Variants in NADK2 observed in about 807,000 individuals in gnomAD.
NADK2 encodes NAD kinase 2, mitochondrial.
In NADK2, 35 loss-of-function variants were observed where a neutral mutation model predicts 62.1. The observed-to-expected ratio is 0.56, with a 90% CI of 0.43 to 0.75. The LOEUF (loss-of-function observed/expected upper bound fraction) is 0.75, where lower values mean the gene tolerates loss of function less well. Ranked by LOEUF, NADK2 falls within the 30% of genes least tolerant of loss-of-function variation. The probability of loss-of-function intolerance (pLI) is 0.00; values close to 1 mark genes in which losing one functional copy is unlikely to be tolerated. For missense variants in NADK2, 439 were observed against 561.3 expected (o/e 0.78, Z 2.20); for synonymous variants, 205 against 207.9 (o/e 0.99, Z 0.12).
chr5:36,207,073 G>C (rs1172260071), intron 8 of NADK2, 97 bp downstream of exon 8: 1 of 916,044 alleles, frequency 1.1e-6, no homozygotes, highest in Non-Finnish European at 1.8e-6. Flanking sequence ...ACACCACCAG[G>C]ACACCTCTTG....
chr5:36,241,898 T>A lies in NADK2; in HGVS notation c.-100A>T. Reference sequence around the variant, plus strand: ...GTCCGCGCCGCCCGGGCCTCTAACTTCGCGCCGGACGGGCAGAGGTTAAGT... The same window carrying A: ...GTCCGCGCCGCCCGGGCCTCTAACTACGCGCCGGACGGGCAGAGGTTAAGT... On this transcript the variant is annotated 5_prime_UTR_variant, in exon 1 of 12. Transcript: ENST00000381937. This position sits in a 1 kb window ranked among gnomAD's most constrained non-coding sequence, Gnocchi z 4.9. 1 of 972,998 alleles carries A rather than the reference T, an allele frequency of 1.0e-6. No homozygotes were observed. The highest frequency in any genetic ancestry group is 1.2e-6 in the Non-Finnish European group (1 of 800,042). The allele number at this position is 972,998 out of a possible 1,614,324, so 60.3% of individuals were successfully genotyped here. A position where few individuals can be genotyped will look rare whatever the true frequency, so the allele number is the denominator to read the frequency against.
At chr5:36,239,440 T>C (rs1748027982) in intron 1 of NADK2, among the ~76,000 whole-genome samples, 2 of 152,134 alleles carry the variant, frequency 1.3e-5, no homozygotes, top group South Asian at 4.1e-4. Context: ...ACAAAAACTA[T>C]TCCACTGCCT....
chr5:36,208,652 C>G, intron 7 of NADK2: 1 of 1,533,746 alleles, frequency 6.5e-7, no homozygotes, highest in Non-Finnish European at 8.7e-7. Context: ...TATACTTCTT[C>G]TTAAATTGTC....
chr5:36,200,143 G>T (rs1193970927), intron 10 of NADK2, 84 bp downstream of exon 10: 3 of 912,130 alleles, frequency 3.3e-6, no homozygotes, highest in Admixed American at 2.7e-5. Context: ...AAAGTACTTT[G>T]CTAATTAAAC....
At chr5:36,207,583 A>G (rs1304738193) in intron 7 of NADK2, among the ~76,000 whole-genome samples, 1 of 152,108 alleles carries the variant, frequency 6.6e-6, no homozygotes, top group East Asian at 1.9e-4. Context: ...AATCTAACAT[A>G]TACAGAGCCT....
chr5:36,207,103 G>T, intron 8 of NADK2, 67 bp downstream of exon 8: 1 of 1,345,576 alleles, frequency 7.4e-7, no homozygotes, highest in Non-Finnish European at 1.1e-6. Flanking sequence ...GGCCTTAGAT[G>T]GGCCAAAATA....
chr5:36,240,645 G>T (rs1208786568), intron 1 of NADK2, among the ~76,000 whole-genome samples: 4 of 152,166 alleles, frequency 2.6e-5, no homozygotes, highest in Non-Finnish European at 4.4e-5. Flanking sequence ...AAGTTGGTGG[G>T]GGGGGATGAC....
chr5:36,195,495 A>T (rs187571827), intron 11 of NADK2, among the ~76,000 whole-genome samples: 21 of 152,220 alleles, frequency 1.4e-4, no homozygotes, highest in African/African-American at 4.8e-4. Flanking sequence ...ATTTAGCAGT[A>T]AAGAAGTGCA....
Position 36,227,563 on chromosome 5 carries a change from A to G in NADK2, c.303T>C (p.Leu101=). ...CACTGTAACTAGAGCCTTTCAATGC[A>G]AGCTATATCAAAACAAAAGAAACGT... ...ELSEEDLKQL[L]ALKGSSYSGL... The change falls in exon 2 of 12, where the codon CTT becomes CTC. Residue 101 remains leucine, a splice_region_variant and synonymous_variant. Coordinates refer to ENST00000381937, the MANE Select transcript of NADK2 (RefSeq NM_001085411.3). The G allele has an allele frequency of 1.3e-6, 2 of 1,512,392 alleles. No homozygotes were observed. Among genetic ancestry groups the G allele is most frequent in the Non-Finnish European group, 1.8e-6 (2 of 1,129,342 alleles). 93.7% of individuals were successfully genotyped at this position (1,512,392 alleles called of 1,614,324 possible).
At position 36,206,910 on chromosome 5, in the gene NADK2, A is replaced by C. The variant is rs889510363; in HGVS notation, c.956+260T>G. Among the ~76,000 whole-genome samples, 3 of 152,112 alleles carry C rather than the reference A, an allele frequency of 2.0e-5. No individual in the cohort carries two copies. In the South Asian group the frequency reaches 6.2e-4, roughly 31 times the overall value. On this transcript the variant is annotated intron_variant, in intron 8 of 11. Transcript: ENST00000381937. The stretch of plus-strand genomic sequence containing the variant: ...TTAAAATATTTTTCATTTTTAAGAA[A>C]AGATAGTCCCAAAACCACTTCTCAT...
At chr5:36,195,321 T>C (rs1746191383) in intron 11 of NADK2, 39 bp from the exon 12 acceptor site, 7 of 1,552,958 alleles carry the variant, frequency 4.5e-6, no homozygotes, top group Middle Eastern at 1.7e-4. Flanking sequence ...AGTAATAGTT[T>C]TCTTAATAGG....
chr5:36,195,432 T>C (rs998503702), intron 11 of NADK2, 150 bp from the exon 12 acceptor site: 28 of 794,358 alleles, frequency 3.5e-5, no homozygotes, highest in Non-Finnish European at 5.4e-5. Flanking sequence ...TGTAAATATA[T>C]GGGTATATTA....
chr5:36,218,958 A>C (rs1236621447), intron 5 of NADK2, among the ~76,000 whole-genome samples: 2 of 152,192 alleles, frequency 1.3e-5, no homozygotes, highest in Admixed American at 6.5e-5. Flanking sequence ...CCTTTCCACT[A>C]AACTGATAAG....
At chr5:36,207,892 A>G (rs949886609) in intron 7 of NADK2, among the ~76,000 whole-genome samples, 1 of 152,132 alleles carries the variant, frequency 6.6e-6, no homozygotes, top group Non-Finnish European at 1.5e-5. Context: ...TTTCATTAAT[A>G]TGAAATCAAA....
chr5:36,236,176 C>T (rs1747901613), intron 1 of NADK2, among the ~76,000 whole-genome samples: 1 of 152,032 alleles, frequency 6.6e-6, no homozygotes, highest in South Asian at 2.1e-4. Context: ...TAAAACCTCC[C>T]CCTAGATAAT....
chr5:36,220,382 T>C (rs1747219566), intron 4 of NADK2, among the ~76,000 whole-genome samples: 1 of 151,582 alleles, frequency 6.6e-6, no homozygotes, highest in African/African-American at 2.4e-5. Flanking sequence ...GATGAGAGTA[T>C]GTGGCACCTA....
In NADK2 at chr5:36,211,940, C is replaced by A. The variant is rs2112110505; in HGVS notation, c.782-18G>T. 1 of 1,584,660 alleles carries A rather than the reference C, an allele frequency of 6.3e-7. No homozygotes were observed. Among genetic ancestry groups the A allele is most frequent in the South Asian group, 1.1e-5 (1 of 87,096 alleles). ...CTCAGACCCTGCATGTAATTTAAGA[C>A]AAAGAAAATCCAAGATAGCTCCTTG... On this transcript the variant is annotated intron_variant, in intron 6 of 11. Coordinates refer to ENST00000381937, the MANE Select transcript of NADK2 (RefSeq NM_001085411.3).
intron 6 of NADK2, 74 bp from the exon 7 acceptor site, chr5:36,211,996 AACACT>A (rs1746866326): frequency 9.3e-7 from 1 of 1,072,152 alleles, no homozygotes. Context: ...AATTTTATAA[AACACT>A]ACAACTTTTA....
At chr5:36,240,601 G>A (rs1748070024) in intron 1 of NADK2, among the ~76,000 whole-genome samples, 1 of 152,194 alleles carries the variant, frequency 6.6e-6, no homozygotes, top group Admixed American at 6.5e-5. Flanking sequence ...CCTAAAGTTG[G>A]TGGATGGTGG....
Sources: allele counts gnomAD v4.1 joint callset (sites outside exome capture counted in the v4.1 genomes callset), GRCh38; gene constraint gnomAD v4.1.1; non-coding constraint Gnocchi (gnomAD v3.1); transcripts MANE v1.5; gene names NCBI Gene and HGNC (gene_info 2026-07-23, HGNC 2026-07-21).